The following LRP4 variants were observed in gnomAD, a reference collection of about 807,000 sequenced individuals.
LRP4 encodes the protein low-density lipoprotein receptor-related protein 4.
LRP4 carries 95 observed loss-of-function variants against 220.3 expected under a neutral mutation model. That is an observed-to-expected ratio of 0.43 (90% CI 0.37 to 0.51). The LOEUF (loss-of-function observed/expected upper bound fraction) is 0.51, where lower values mean the gene tolerates loss of function less well. Ranked by LOEUF, LRP4 falls within the 20% of genes least tolerant of loss-of-function variation. LRP4 has a pLI of 0.00. For missense variants in LRP4, 1,925 were observed against 2,567.0 expected (o/e 0.75, Z 5.40); for synonymous variants, 903 against 954.6 (o/e 0.95, Z 1.00).
chr11:46,899,948 AAAC>A lies in LRP4; in HGVS notation c.342_344del (p.Glu114_Phe115delinsAsp), dbSNP rs748481141. On this transcript the variant is annotated inframe_deletion, in exon 4 of 38. Transcript: ENST00000378623. The surrounding 1 kb of genome is among the most constrained non-coding windows in gnomAD (Gnocchi z 5.9). Reference sequence around the variant, plus strand: ...GGATGCAGTAGCCATTCTGGCAGGGAAACTCGTCCTCCTCACACTCCCGGGGGG... The same window carrying A: ...GGATGCAGTAGCCATTCTGGCAGGGATCGTCCTCCTCACACTCCCGGGGGG... 6.2e-7 allele frequency: 1 copy of A among 1,613,856 alleles called. No homozygotes were observed. The highest frequency in any genetic ancestry group is 1.1e-5 in the South Asian group (1 of 91,086).
Position 46,902,833 on chromosome 11 carries a change from T to C in LRP4, c.149A>G (p.Gln50Arg). The C allele has an allele frequency of 6.2e-7, 1 of 1,614,118 alleles. No homozygotes were observed. Among genetic ancestry groups the C allele is most frequent in the Non-Finnish European group, 8.5e-7 (1 of 1,180,028 alleles). Residue 50 changes from glutamine (Q) to arginine (R), a missense_variant, in exon 2 of 38, where the codon CAG (glutamine) becomes CGG (arginine). By Grantham distance (43) the Gln-to-Arg change is conservative. This residue lies in a region of LRP4 where 412 missense variants were observed against 505.4 expected (regional missense o/e 0.82). Coordinates refer to ENST00000378623, the MANE Select transcript of LRP4 (RefSeq NM_002334.4). ...CCCGCAGTCATTGTCTCCATCACAC[T>C]GCCACTGGGCAGGGATGCAGGTACA... Reference protein sequence around the residue: ...GECTCIPAQWQCDGDNDCGDH... With the variant: ...GECTCIPAQWRCDGDNDCGDH...
intron 8 of LRP4, 122 bp from the exon 9 acceptor site, chr11:46,896,457 C>G: frequency 7.9e-7 from 1 of 1,262,232 alleles, no homozygotes; most frequent in African/African-American, 1.5e-5. Context: ...GGTGAGGGTC[C>G]TGGGCAGGAA....
chr11:46,908,176 C>G (rs1941792101), intron 1 of LRP4, among the ~76,000 whole-genome samples: 1 of 152,126 alleles, frequency 6.6e-6, no homozygotes, highest in African/African-American at 2.4e-5. Context: ...ATGATCCGCC[C>G]ACCTCGGCCT....
At chr11:46,872,987 CT>C in intron 30 of LRP4, 112 bp downstream of exon 30, 1 of 1,413,000 alleles carries the variant, frequency 7.1e-7, no homozygotes, top group South Asian at 1.2e-5. Flanking sequence ...AATGATTCCT[CT>C]TCCCCACATA....
At chr11:46,885,996 C>G (rs1282498637) in intron 18 of LRP4, 95 bp downstream of exon 18, 5 of 1,055,388 alleles carry the variant, frequency 4.7e-6, no homozygotes, top group Non-Finnish European at 7.3e-6. Context: ...CAGAAGTGGT[C>G]CAGGAGAGAC....
At chr11:46,895,001 C>G (rs1941495469) in intron 11 of LRP4, among the ~76,000 whole-genome samples, 165 bp downstream of exon 11, 1 of 151,980 alleles carries the variant, frequency 6.6e-6, no homozygotes, top group South Asian at 2.1e-4. Context: ...CCCCACCCCA[C>G]TCCACCCCAG....
chr11:46,864,603 T>C, intron 35 of LRP4, 68 bp from the exon 36 acceptor site: 1 of 1,091,018 alleles, frequency 9.2e-7, no homozygotes, highest in South Asian at 1.3e-5. Flanking sequence ...GTGTGAGGAA[T>C]GGAAAGCTGA....
At chr11:46,894,103 G>C (rs1226006262) in intron 12 of LRP4, among the ~76,000 whole-genome samples, 3 of 151,614 alleles carry the variant, frequency 2.0e-5, no homozygotes, top group South Asian at 4.2e-4. Flanking sequence ...TGTTGGTCAG[G>C]CTGGTCTCAA....
At position 46,890,270 on chromosome 11, in the gene LRP4, G is replaced by T; in HGVS notation, c.1915+7C>A. On this transcript the variant is annotated splice_region_variant and intron_variant, in intron 14 of 37. Coordinates refer to ENST00000378623, the MANE Select transcript of LRP4 (RefSeq NM_002334.4). This position sits in a 1 kb window ranked among gnomAD's most constrained non-coding sequence, Gnocchi z 5.3. The stretch of plus-strand genomic sequence containing the variant: ...AGAGATGAAGGAGACTGAAGGAAGG[G>T]GCTCACCCTGGCTAATGACAGCCTT... 6.2e-7 allele frequency: 1 copy of T among 1,613,894 alleles called. No homozygotes were observed. Among genetic ancestry groups the T allele is most frequent in the Non-Finnish European group, 8.5e-7 (1 of 1,179,854 alleles).
chr11:46,896,166 C>CG, intron 9 of LRP4, 44 bp downstream of exon 9: 1 of 1,611,238 alleles, frequency 6.2e-7, no homozygotes, highest in Non-Finnish European at 8.5e-7. Context: ...GGGTGGGGTT[C>CG]GGCCACAAAC....
intron 30 of LRP4, among the ~76,000 whole-genome samples, chr11:46,872,187 C>T (rs564688067): frequency 6.6e-5 from 10 of 152,290 alleles, no homozygotes; most frequent in East Asian, 5.8e-4. Flanking sequence ...ACCCAGGAGG[C>T]GGAGGTTGCA....
At chr11:46,868,365 G>C (rs1012437760) in intron 33 of LRP4, among the ~76,000 whole-genome samples, 3 of 152,228 alleles carry the variant, frequency 2.0e-5, no homozygotes, top group African/African-American at 2.4e-5. Context: ...TCCCACAGCA[G>C]GGACCTGGGA....
chr11:46,908,028 G>A (rs1292071392), intron 1 of LRP4, among the ~76,000 whole-genome samples: 3 of 151,830 alleles, frequency 2.0e-5, no homozygotes, highest in Admixed American at 1.3e-4. Context: ...TCCGCCTCCC[G>A]AGAAGCAATT....
intron 36 of LRP4, 66 bp downstream of exon 36, chr11:46,864,382 G>C (rs538517992): frequency 9.1e-5 from 111 of 1,217,504 alleles, no homozygotes; most frequent in East Asian, 1.2e-4. Flanking sequence ...GCAGAGCTTC[G>C]GGAGATCCCA....
intron 1 of LRP4, among the ~76,000 whole-genome samples, chr11:46,905,907 A>T (rs2134875938): frequency 6.6e-6 from 1 of 151,318 alleles, no homozygotes; most frequent in Non-Finnish European, 1.5e-5. Flanking sequence ...ACAAAGAATT[A>T]TCTGGCCCAA....
rs376749778 is a variant in LRP4, at chr11:46,879,107, C to A, written c.3004+19G>T. 1.3e-4 allele frequency: 207 copies of A among 1,614,206 alleles called. 1 individual carries two copies. Among genetic ancestry groups the A allele is most frequent in the East Asian group, 9.4e-4 (42 of 44,882 alleles). ...TAGGAGGGCCACGGAGAAGCCAATG[C>A]GAGCCAAGGGCTGCTCACCTGGGGG... is the stretch of plus-strand genomic sequence containing the variant. On this transcript the variant is annotated intron_variant, in intron 21 of 37. Transcript: ENST00000378623.
At chr11:46,881,389 C>A (rs1199899170) in intron 20 of LRP4, among the ~76,000 whole-genome samples, 2 of 152,186 alleles carry the variant, frequency 1.3e-5, no homozygotes, top group African/African-American at 4.8e-5. Flanking sequence ...CACAGTGCAA[C>A]TGGTAATTTA....
rs1203080383 is a variant in LRP4 at position 46,857,119 on chromosome 11, T to A, written c.*1864A>T. ...TCTGAACAGCCCAAGTGCAATAAGA[T>A]CCTTCCCCCTTTCCAATCAAGAAAA... is the stretch of plus-strand genomic sequence containing the variant. On this transcript the variant is annotated 3_prime_UTR_variant, in exon 38 of 38. Coordinates refer to ENST00000378623, the MANE Select transcript of LRP4 (RefSeq NM_002334.4). 1 of 152,522 alleles carries A rather than the reference T, an allele frequency of 6.6e-6. No individual in the cohort carries two copies. The highest frequency in any genetic ancestry group is 1.5e-5 in the Non-Finnish European group (1 of 68,048). 9.4% of individuals were successfully genotyped at this position (152,522 alleles called of 1,614,324 possible).
At chr11:46,900,189 C>A in intron 3 of LRP4, 73 bp downstream of exon 3, 1 of 1,154,406 alleles carries the variant, frequency 8.7e-7, no homozygotes, top group South Asian at 1.2e-5. Flanking sequence ...GGACCTGGGG[C>A]ATTGCTTTCT....
Sources: gnomAD v4.1 joint callset for allele counts (sites outside exome capture counted in the v4.1 genomes callset) on GRCh38, gnomAD v4.1.1 for gene constraint, gnomAD v4.1.1 regional missense constraint, Gnocchi (gnomAD v3.1) non-coding constraint, MANE v1.5 for transcripts, NCBI Gene and HGNC (gene_info 2026-07-23, HGNC 2026-07-21) for gene names.